Variants in NCAM1 observed in about 807,000 individuals in gnomAD.
The protein encoded by NCAM1 is neural cell adhesion molecule 1.
NCAM1 carries 14 observed loss-of-function variants against 109.8 expected under a neutral mutation model. The observed-to-expected ratio is 0.13, with a 90% CI of 0.08 to 0.20. NCAM1 has a LOEUF of 0.20. Among genes scored for constraint, NCAM1 ranks in the 10% least tolerant of loss-of-function variants. The probability of loss-of-function intolerance (pLI) is 1.00; values close to 1 mark genes in which losing one functional copy is unlikely to be tolerated. For missense variants in NCAM1, 774 were observed against 1,109.9 expected (o/e 0.70, Z 4.30); for synonymous variants, 418 against 442.9 (o/e 0.94, Z 0.70).
chr11:113,074,003 T>A (rs1938412351), intron 1 of NCAM1, among the ~76,000 whole-genome samples: 1 of 152,200 alleles, frequency 6.6e-6, no homozygotes, highest in African/African-American at 2.4e-5. Context: ...AAATAGTAGG[T>A]GTCAGAGAAG....
At chr11:113,004,003 T>G in intron 1 of NCAM1, 1 of 151,170 alleles carries the variant, frequency 6.6e-6, no homozygotes, top group East Asian at 1.9e-4. Context: ...ACATCTTCGT[T>G]GTGAATACGT....
chr11:112,962,695 G>T lies in NCAM1; in HGVS notation c.52+1031G>T, dbSNP rs1950602835. Among the ~76,000 whole-genome samples the T allele has an allele frequency of 6.6e-6, 1 of 152,008 alleles. No homozygotes were observed. Among genetic ancestry groups the T allele is most frequent in the African/African-American group, 2.4e-5 (1 of 41,384 alleles). On this transcript the variant is annotated intron_variant, in intron 1 of 19. Coordinates refer to ENST00000316851, the MANE Select transcript of NCAM1 (RefSeq NM_181351.5). The surrounding 1 kb of genome is among the most constrained non-coding windows in gnomAD (Gnocchi z 5.6). ...GTGCAGGGAGGTGCATTTCATTTTG[G>T]CTATTTCCATCCCGGCCTCCCTGGA...
At chr11:113,003,576 A>G (rs1051348771) in intron 1 of NCAM1, among the ~76,000 whole-genome samples, 6 of 152,284 alleles carry the variant, frequency 3.9e-5, no homozygotes, top group Middle Eastern at 6.8e-3. Flanking sequence ...TCTTATGATT[A>G]TGGGATTTCC....
At chr11:113,192,626 G>C (rs532375463) in intron 1 of NCAM1, among the ~76,000 whole-genome samples, 1 of 152,256 alleles carries the variant, frequency 6.6e-6, no homozygotes, top group Middle Eastern at 3.4e-3. Context: ...AGGTGAGACC[G>C]GGACAGAGCA....
At chr11:113,044,460 C>T (rs1481502810) in intron 1 of NCAM1, among the ~76,000 whole-genome samples, 1 of 151,948 alleles carries the variant, frequency 6.6e-6, no homozygotes, top group Non-Finnish European at 1.5e-5. Context: ...TGAGGCGGGC[C>T]GATCACTTGA....
chr11:113,184,909 A>T (rs1353144556), intron 1 of NCAM1, among the ~76,000 whole-genome samples: 1 of 152,114 alleles, frequency 6.6e-6, no homozygotes. Context: ...ATTGCAAGTC[A>T]TATCTACTTT....
chr11:113,214,618 A>C, intron 8 of NCAM1, 107 bp downstream of exon 8: 2 of 1,281,000 alleles, frequency 1.6e-6, no homozygotes, highest in South Asian at 3.0e-5. Flanking sequence ...GGTTATGGTC[A>C]CCAGAGGCCA....
At chr11:113,146,896 G>GA (rs113609450) in intron 1 of NCAM1, among the ~76,000 whole-genome samples, 2,308 of 139,096 alleles carry the variant, frequency 0.017, 28 homozygotes, top group African/African-American at 0.044. Flanking sequence ...TGTGTCTTAG[G>GA]AAAAAAAAAA....
chr11:113,231,987 C>T (rs1372317802), intron 10 of NCAM1, among the ~76,000 whole-genome samples, 183 bp from the exon 11 acceptor site: 1 of 152,166 alleles, frequency 6.6e-6, no homozygotes, highest in Non-Finnish European at 1.5e-5. Flanking sequence ...TTCTTACAAG[C>T]CTGCTGTGCC....
At chr11:113,179,058 T>A (rs1178411204) in intron 1 of NCAM1, among the ~76,000 whole-genome samples, 6 of 152,182 alleles carry the variant, frequency 3.9e-5, no homozygotes, top group Admixed American at 2.0e-4. Context: ...GGTAATACCA[T>A]GTTGGTAGCT....
At position 113,273,051 on chromosome 11, in the gene NCAM1, G is replaced by A; in HGVS notation, c.2456+1175G>A. On this transcript the variant is annotated intron_variant, in intron 19 of 19. Coordinates refer to ENST00000316851, the MANE Select transcript of NCAM1 (RefSeq NM_181351.5). This position sits in a 1 kb window ranked among gnomAD's most constrained non-coding sequence, Gnocchi z 6.0. ...CACTGCTCAGAACAGCCCCACCAGT[G>A]AGACCACCACCCTGACCTCCAGTAT... 2.2e-6 allele frequency: 1 copy of A among 456,714 alleles called. No individual in the cohort carries two copies. Among genetic ancestry groups the A allele is most frequent in the Non-Finnish European group, 4.4e-6 (1 of 226,928 alleles). 28.3% of individuals were successfully genotyped at this position (456,714 alleles called of 1,614,324 possible).
intron 1 of NCAM1, among the ~76,000 whole-genome samples, chr11:113,201,297 G>A (rs887077660): frequency 2.6e-5 from 4 of 152,136 alleles, no homozygotes; most frequent in Non-Finnish European, 5.9e-5. Flanking sequence ...CCATGGCAAC[G>A]AGCATCACCT....
chr11:113,137,764 G>A (rs1359934642), intron 1 of NCAM1, among the ~76,000 whole-genome samples: 3 of 152,124 alleles, frequency 2.0e-5, no homozygotes, highest in Non-Finnish European at 4.4e-5. Flanking sequence ...TGTTCTTCAG[G>A]ATAAAGGTTG....
At chr11:113,057,442 G>T (rs1369817) in intron 1 of NCAM1, among the ~76,000 whole-genome samples, 86,828 of 151,674 alleles carry the variant, frequency 0.57, 26,056 homozygotes, top group African/African-American at 0.71. Context: ...AGGGGACCAT[G>T]GAAGAATTTA....
intron 1 of NCAM1, among the ~76,000 whole-genome samples, chr11:113,091,554 G>A (rs1157580876): frequency 2.0e-5 from 3 of 152,198 alleles, no homozygotes; most frequent in African/African-American, 7.2e-5. Context: ...AGAGGCCAGA[G>A]CTGTATAATA....
At chr11:112,997,014 C>T (rs1951612526) in intron 1 of NCAM1, among the ~76,000 whole-genome samples, 2 of 152,092 alleles carry the variant, frequency 1.3e-5, no homozygotes, top group South Asian at 4.1e-4. Flanking sequence ...AAGAGCAGTG[C>T]CTCCCAACAA....
chr11:113,138,527 T>C (rs1941695385), intron 1 of NCAM1, among the ~76,000 whole-genome samples: 1 of 152,262 alleles, frequency 6.6e-6, no homozygotes, highest in South Asian at 2.1e-4. Context: ...GTATTTTTTA[T>C]ATCATGTGTT....
chr11:113,142,526 T>C (rs17114989), intron 1 of NCAM1, among the ~76,000 whole-genome samples: 10,922 of 152,134 alleles, frequency 0.072, 1,224 homozygotes, highest in African/African-American at 0.24. Flanking sequence ...TACCAGTGTG[T>C]TTTTGGTTCA....
rs12806380 is a variant in NCAM1, at chr11:113,085,784, A to G, written c.53-116595A>G. On this transcript the variant is annotated intron_variant, in intron 1 of 19. Transcript: ENST00000316851. ...ATCATCCTGCAGCAGCTGACATAGT[A>G]CTTTACGGTTCTTAGTAGACATTCA... 4.5e-3 allele frequency among the ~76,000 whole-genome samples: 692 copies of G among 152,274 alleles called. 2 individuals carry two copies. The highest frequency in any genetic ancestry group is 0.031 in the Middle Eastern group (9 of 294).
Sources: gnomAD v4.1 joint callset for allele counts (sites outside exome capture counted in the v4.1 genomes callset) on GRCh38, gnomAD v4.1.1 for gene constraint, Gnocchi (gnomAD v3.1) non-coding constraint, MANE v1.5 for transcripts, NCBI Gene and HGNC (gene_info 2026-07-23, HGNC 2026-07-21) for gene names.